The following CEP63 variants were observed in gnomAD, a reference collection of about 807,000 sequenced individuals.
CEP63 encodes the protein centrosomal protein 63.
CEP63 carries 84 observed loss-of-function variants against 89.1 expected under a neutral mutation model. That is an observed-to-expected ratio of 0.94 (90% CI 0.79 to 1.13). The LOEUF (loss-of-function observed/expected upper bound fraction) is 1.13. CEP63 is among the 50% of genes most tolerant of loss of function. The pLI is 0.00. For missense variants in CEP63, 838 were observed against 813.3 expected (o/e 1.03, Z -0.37); for synonymous variants, 267 against 272.5 (o/e 0.98, Z 0.20).
chr3:134,494,762 G>A (rs1418312568), intron 1 of CEP63, among the ~76,000 whole-genome samples: 1 of 152,180 alleles, frequency 6.6e-6, no homozygotes, highest in Non-Finnish European at 1.5e-5. Flanking sequence ...AGGGCCCTGT[G>A]GCTGCCTTTC....
intron 2 of CEP63, among the ~76,000 whole-genome samples, chr3:134,502,857 C>T (rs1444312659): frequency 6.6e-6 from 1 of 151,728 alleles, no homozygotes; most frequent in Non-Finnish European, 1.5e-5. Flanking sequence ...TTTTCTAGTT[C>T]CTTTAGGTGT....
the CEP63 span, among the ~76,000 whole-genome samples, chr3:134,621,191 A>G: frequency 2.0e-5 from 3 of 152,186 alleles, no homozygotes; most frequent in African/African-American, 4.8e-5. Context: ...CAAAATTCCA[A>G]TAGCTTTTTG....
the CEP63 span, among the ~76,000 whole-genome samples, chr3:134,674,875 G>C: frequency 0.66 from 99,708 of 152,030 alleles, 33,030 homozygotes; most frequent in East Asian, 0.93. Flanking sequence ...GAAGTACAAG[G>C]CTTGATACTT....
chr3:134,603,570 G>T, the CEP63 span: 1 of 1,564,012 alleles, frequency 6.4e-7, no homozygotes, highest in South Asian at 1.2e-5. Flanking sequence ...TAAGACCGGG[G>T]CACAGCCCTC....
chr3:134,770,674 C>T, the CEP63 span, among the ~76,000 whole-genome samples: 1 of 152,280 alleles, frequency 6.6e-6, no homozygotes, highest in Admixed American at 6.5e-5. Context: ...ACAATCATCG[C>T]TTACCTGTGT....
At chr3:134,717,269 G>A in the CEP63 span, among the ~76,000 whole-genome samples, 1 of 152,308 alleles carries the variant, frequency 6.6e-6, no homozygotes, top group African/African-American at 2.4e-5. Context: ...CATCCTGACT[G>A]TGGAAACTCA....
Position 134,564,838 on chromosome 3 carries a change from C to T in CEP63, c.*3303C>T, listed in dbSNP as rs906888141. ...TGACTAGGAGGAACAATGACAGACT[C>T]TGTAGTCACCGGAAATACTTAAGGA... On this transcript the variant is annotated 3_prime_UTR_variant, in exon 15 of 15. Transcript: ENST00000675561. The T allele has an allele frequency of 3.0e-6, 3 of 985,146 alleles. No homozygotes were observed. The highest frequency in any genetic ancestry group is 9.4e-5 in the South Asian group (2 of 21,282). The allele number at this position is 985,146 out of a possible 1,614,324, so 61.0% of individuals were successfully genotyped here.
intron 1 of CEP63, 93 bp from the exon 2 acceptor site, chr3:134,495,203 T>C: frequency 3.3e-6 from 3 of 897,990 alleles, no homozygotes; most frequent in African/African-American, 1.6e-5. Flanking sequence ...TTCATTATTA[T>C]GTATGCTTTC....
the CEP63 span, chr3:134,610,562 G>A: frequency 1.7e-6 from 1 of 601,642 alleles, no homozygotes; most frequent in Non-Finnish European, 2.9e-6. Context: ...GGGCACTGGG[G>A]ACAGGGAGAT....
chr3:134,686,880 A>G, the CEP63 span, among the ~76,000 whole-genome samples: 1 of 152,210 alleles, frequency 6.6e-6, no homozygotes, highest in Non-Finnish European at 1.5e-5. Context: ...CAGCATGTAC[A>G]ATATGACTTG....
the CEP63 span, among the ~76,000 whole-genome samples, chr3:134,654,758 G>A: frequency 2.6e-5 from 4 of 152,192 alleles, no homozygotes. Context: ...TGTGGGGAGG[G>A]TCTCATGAAT....
chr3:134,760,091 C>T, the CEP63 span, among the ~76,000 whole-genome samples: 2 of 146,416 alleles, frequency 1.4e-5, no homozygotes, highest in Non-Finnish European at 3.0e-5. Context: ...CGGAGTCTCG[C>T]TCTGTCGCCC....
intron 6 of CEP63, among the ~76,000 whole-genome samples, chr3:134,544,725 C>G (rs1340112692): frequency 6.6e-6 from 1 of 151,698 alleles, no homozygotes; most frequent in African/African-American, 2.4e-5. Context: ...ATTATAGTTC[C>G]TATTTCCTAT....
intron 10 of CEP63, among the ~76,000 whole-genome samples, chr3:134,585,865 T>C (rs1040348628): frequency 1.2e-4 from 18 of 152,210 alleles, no homozygotes; most frequent in Admixed American, 1.2e-3. Context: ...GCTTTATGAA[T>C]CTGGGTGCTC....
chr3:134,556,413 G>T (rs985033122), intron 12 of CEP63, among the ~76,000 whole-genome samples: 6 of 151,970 alleles, frequency 3.9e-5, no homozygotes, highest in African/African-American at 1.4e-4. Context: ...AATAATAGGA[G>T]AGGAGACAAT....
At chr3:134,753,562 C>G in the CEP63 span, among the ~76,000 whole-genome samples, 2 of 152,220 alleles carry the variant, frequency 1.3e-5, no homozygotes, top group African/African-American at 4.8e-5. Flanking sequence ...GAGCATAAGA[C>G]AAGCAAGCAC....
chr3:134,648,076 C>G, the CEP63 span, among the ~76,000 whole-genome samples: 79 of 152,360 alleles, frequency 5.2e-4, no homozygotes, highest in African/African-American at 1.9e-3. Flanking sequence ...AGCTCTCGCT[C>G]TGGCTGCGGC....
chr3:134,625,780 G>A, the CEP63 span, among the ~76,000 whole-genome samples: 2 of 152,272 alleles, frequency 1.3e-5, no homozygotes, highest in Admixed American at 1.3e-4. Context: ...AGGGCCCTGA[G>A]AAAGGCTGGG....
chr3:134,657,575 C>G, the CEP63 span, among the ~76,000 whole-genome samples: 3 of 152,080 alleles, frequency 2.0e-5, no homozygotes, highest in Admixed American at 6.5e-5. Context: ...TTTCTATTTT[C>G]TCATTGTTGG....
Sources: allele counts gnomAD v4.1 joint callset (sites outside exome capture counted in the v4.1 genomes callset), GRCh38; gene constraint gnomAD v4.1.1; transcripts MANE v1.5; gene names NCBI Gene and HGNC (gene_info 2026-07-23, HGNC 2026-07-21).